The following ZDHHC21 variants were observed in gnomAD, a reference collection of about 807,000 sequenced individuals.
ZDHHC21 encodes the protein zDHHC palmitoyltransferase 21.
Under a neutral mutation model 34.6 loss-of-function variants are expected in ZDHHC21, and 15 were observed. The observed-to-expected ratio is 0.43, with a 90% CI of 0.29 to 0.67. ZDHHC21 has a LOEUF of 0.67. Ranked by LOEUF, ZDHHC21 falls within the 30% of genes least tolerant of loss-of-function variation. The probability of loss-of-function intolerance (pLI) is 0.14; values close to 1 mark genes in which losing one functional copy is unlikely to be tolerated. For missense variants in ZDHHC21, 344 were observed against 327.7 expected (o/e 1.05, Z -0.38); for synonymous variants, 142 against 101.8 (o/e 1.40, Z -2.38).
At chr9:14,620,885 T>A (rs1825191862) in intron 8 of ZDHHC21, among the ~76,000 whole-genome samples, 1 of 152,056 alleles carries the variant, frequency 6.6e-6, no homozygotes, top group Non-Finnish European at 1.5e-5. Flanking sequence ...ATTCATTAGT[T>A]TTCCTATCAA....
intron 5 of ZDHHC21, among the ~76,000 whole-genome samples, chr9:14,669,449 T>G (rs1220231549): frequency 6.7e-6 from 1 of 148,946 alleles, no homozygotes; most frequent in East Asian, 2.0e-4. Context: ...GTGTGGCGAT[T>G]CCTCAGGGAT....
intron 7 of ZDHHC21, among the ~76,000 whole-genome samples, chr9:14,644,064 C>A (rs1285297834): frequency 6.6e-6 from 1 of 152,176 alleles, no homozygotes; most frequent in African/African-American, 2.4e-5. Context: ...ATAATATATT[C>A]TCTCCATTAC....
chr9:14,688,464 G>T (rs1000969036), intron 2 of ZDHHC21, among the ~76,000 whole-genome samples: 6 of 150,838 alleles, frequency 4.0e-5, no homozygotes, highest in African/African-American at 1.5e-4. Flanking sequence ...GCTCTTGCCT[G>T]TGATCATACC....
chr9:14,671,847 T>C (rs530507497), intron 5 of ZDHHC21, among the ~76,000 whole-genome samples: 2 of 152,242 alleles, frequency 1.3e-5, no homozygotes, highest in East Asian at 3.9e-4. Context: ...AGTTAAGAAC[T>C]TGAATAAAAT....
chr9:14,639,997 T>C lies in ZDHHC21; in HGVS notation c.520A>G (p.Arg174Gly), dbSNP rs748145882. 2 of 1,599,910 alleles carry C rather than the reference T, an allele frequency of 1.3e-6. No individual in the cohort carries two copies. The highest frequency in any genetic ancestry group is 1.7e-6 in the Non-Finnish European group (2 of 1,173,396). Residue 174 changes from arginine (R) to glycine (G), a missense_variant, in exon 8 of 10, where the codon AGA becomes GGA. Arg to Gly is a moderately radical substitution (Grantham distance 125). Transcript: ENST00000380916. ...AGTCTCATTATGGCCAATTCATGTC[T>C]AAAAACAAAGAGGTCCTAAAAAGAA... ...KKRNLDLFVFRHELAIMRLAA... is the reference protein window; with the variant it reads ...KKRNLDLFVFGHELAIMRLAA...
At chr9:14,637,786 A>G (rs1051991207) in intron 8 of ZDHHC21, among the ~76,000 whole-genome samples, 1 of 152,008 alleles carries the variant, frequency 6.6e-6, no homozygotes, top group Non-Finnish European at 1.5e-5. Context: ...CATTTACAAT[A>G]GCTCCAACAA....
intron 6 of ZDHHC21, among the ~76,000 whole-genome samples, chr9:14,661,892 A>G (rs62535367): frequency 0.062 from 9,499 of 152,286 alleles, 343 homozygotes; most frequent in Admixed American, 0.12. Context: ...CCATTTAAGT[A>G]CATCCTACTT....
chr9:14,642,981 G>A (rs1451958175), intron 7 of ZDHHC21, among the ~76,000 whole-genome samples: 1 of 152,174 alleles, frequency 6.6e-6, no homozygotes, highest in Non-Finnish European at 1.5e-5. Context: ...GCTCACGCCT[G>A]TAATCCCAGC....
At chr9:14,598,101 G>A in the ZDHHC21 span, among the ~76,000 whole-genome samples, 3 of 152,036 alleles carry the variant, frequency 2.0e-5, no homozygotes, top group Admixed American at 6.5e-5. Context: ...CTGGCCCACT[G>A]CCTCCACAAC....
At chr9:14,648,915 A>G (rs1440534214) in intron 7 of ZDHHC21, among the ~76,000 whole-genome samples, 1 of 151,176 alleles carries the variant, frequency 6.6e-6, no homozygotes, top group African/African-American at 2.4e-5. Context: ...CTGTGTTTTT[A>G]TAAGACTACT....
intron 5 of ZDHHC21, among the ~76,000 whole-genome samples, chr9:14,667,487 C>T (rs1337564584): frequency 6.7e-6 from 1 of 149,342 alleles, no homozygotes; most frequent in Non-Finnish European, 1.5e-5. Flanking sequence ...GGAATCCTCC[C>T]TAACTCATTT....
intron 7 of ZDHHC21, among the ~76,000 whole-genome samples, chr9:14,653,145 T>C (rs1172557283): frequency 6.6e-6 from 1 of 151,928 alleles, no homozygotes; most frequent in Non-Finnish European, 1.5e-5. Context: ...ATATCCTGAA[T>C]AATAGAAAGG....
At chr9:14,606,633 G>A (rs1164109408), downstream of ZDHHC21, among the ~76,000 whole-genome samples, 2 of 152,052 alleles carry the variant, frequency 1.3e-5, no homozygotes, top group South Asian at 2.1e-4. Flanking sequence ...AAAAATGGTT[G>A]GTTTTTTTAT....
chr9:14,631,449 T>C (rs1827327434), intron 8 of ZDHHC21, among the ~76,000 whole-genome samples: 1 of 152,200 alleles, frequency 6.6e-6, no homozygotes, highest in Admixed American at 6.5e-5. Context: ...CAAAAATTTC[T>C]CCATATCAAC....
intron 7 of ZDHHC21, among the ~76,000 whole-genome samples, chr9:14,658,096 A>G (rs1395235077): frequency 2.0e-5 from 3 of 152,200 alleles, no homozygotes; most frequent in Non-Finnish European, 4.4e-5. Context: ...GAACGTAACT[A>G]TTTGAGAACC....
At chr9:14,599,815 G>C in the ZDHHC21 span, among the ~76,000 whole-genome samples, 8 of 152,098 alleles carry the variant, frequency 5.3e-5, no homozygotes, top group African/African-American at 1.7e-4. Flanking sequence ...CCACAATCAA[G>C]TGGGCTTCAT....
At chr9:14,607,559 T>C (rs1564156548), downstream of ZDHHC21, among the ~76,000 whole-genome samples, 2 of 144,658 alleles carry the variant, frequency 1.4e-5, no homozygotes, top group Admixed American at 1.4e-4. Context: ...AGGGTGGGAG[T>C]GAAGATTTTG....
intron 5 of ZDHHC21, among the ~76,000 whole-genome samples, chr9:14,671,582 G>A (rs1835445994): frequency 1.3e-5 from 2 of 152,026 alleles, no homozygotes; most frequent in Non-Finnish European, 2.9e-5. Context: ...ATTTTTGAGA[G>A]ACTGCATCAA....
the ZDHHC21 span, chr9:14,593,678 G>C: frequency 6.6e-6 from 1 of 152,266 alleles, no homozygotes; most frequent in African/African-American, 2.4e-5. Flanking sequence ...AATCTTCAAT[G>C]ACAGTCACTT....
Sources: allele counts gnomAD v4.1 joint callset (sites outside exome capture counted in the v4.1 genomes callset), GRCh38; gene constraint gnomAD v4.1.1; transcripts MANE v1.5; gene names NCBI Gene and HGNC (gene_info 2026-07-23, HGNC 2026-07-21).